GLE1: variants seen among roughly 807,000 people sequenced by gnomAD.
The protein encoded by GLE1 is mRNA export factor GLE1.
Under a neutral mutation model 97.3 loss-of-function variants are expected in GLE1, and 78 were observed. That is an observed-to-expected ratio of 0.80 (90% CI 0.67 to 0.97). The LOEUF is 0.97. Ranked by LOEUF, GLE1 falls within the 50% of genes least tolerant of loss-of-function variation. The probability of loss-of-function intolerance (pLI) is 0.00; values close to 1 mark genes in which losing one functional copy is unlikely to be tolerated. For missense variants in GLE1, 753 were observed against 857.5 expected (o/e 0.88, Z 1.52); for synonymous variants, 302 against 313.4 (o/e 0.96, Z 0.39).
At position 128,533,860 on chromosome 9, in the gene GLE1, C is replaced by G; in HGVS notation, c.1555C>G (p.Leu519Val). The change falls in exon 11 of 16, where the codon CTC becomes GTC. Residue 519 changes from leucine to valine, a missense_variant. Coordinates refer to ENST00000309971, the MANE Select transcript of GLE1 (RefSeq NM_001003722.2). The stretch of plus-strand genomic sequence containing the variant: ...GGAGCTCCACCCCAGAGTGGGGGAC[C>G]TCATTCTTGCTCATCTACATAAGAA... ...IWELHPRVGDLILAHLHKKCP... is the reference protein window; with the variant it reads ...IWELHPRVGDVILAHLHKKCP... 1 of 1,612,536 alleles carries G rather than the reference C, an allele frequency of 6.2e-7. No homozygotes were observed. Among genetic ancestry groups the G allele is most frequent in the Non-Finnish European group, 8.5e-7 (1 of 1,178,556 alleles).
At chr9:128,527,066 T>C (rs1564152456) in intron 7 of GLE1, 113 bp from the exon 8 acceptor site, 8 of 714,608 alleles carry the variant, frequency 1.1e-5, no homozygotes, top group South Asian at 7.5e-5. Flanking sequence ...TTCATAGTTA[T>C]GGTGACAGTT....
rs762441779 is a variant in GLE1, at chr9:128,541,122, C to T, written c.2049C>T (p.Asp683=). The stretch of plus-strand genomic sequence containing the variant: ...ACCAGAAATGTTTGCAACACAAGGA[C>T]ATTCCTGTCCCCAAGGGCTTTCTGA... ...QFLEKCLQHK[D]IPVPKGFLTS... The change falls in exon 16 of 16, where the codon GAC becomes GAT. Residue 683 remains aspartate (D), a synonymous_variant. Coordinates refer to ENST00000309971, the MANE Select transcript of GLE1 (RefSeq NM_001003722.2). The T allele has an allele frequency of 2.5e-6, 4 of 1,587,544 alleles. No individual in the cohort carries two copies. The African/African-American group carries it at 5.4e-5, about 21-fold the overall frequency.
In GLE1 at chr9:128,536,495, G is replaced by T; in HGVS notation, c.1776+11G>T. 1.2e-6 allele frequency: 2 copies of T among 1,610,894 alleles called. No homozygotes were observed. Among genetic ancestry groups the T allele is most frequent in the Non-Finnish European group, 1.7e-6 (2 of 1,177,212 alleles). The stretch of plus-strand genomic sequence containing the variant: ...GGAAACCGACAGGAGGTAGGTAAAA[G>T]AGGCTTACTGTCAATAATGAGAGGT... On this transcript the variant is annotated intron_variant, in intron 12 of 15. Coordinates refer to ENST00000309971, the MANE Select transcript of GLE1 (RefSeq NM_001003722.2).
chr9:128,513,683 C>T (rs1291486845), intron 2 of GLE1, among the ~76,000 whole-genome samples: 12 of 146,326 alleles, frequency 8.2e-5, no homozygotes, highest in Admixed American at 2.8e-4. Flanking sequence ...TATGCCAGCA[C>T]GGGTGATAGA....
In GLE1 at chr9:128,542,074, G is replaced by A. The variant is rs1480602479; in HGVS notation, c.*904G>A. 6.6e-6 allele frequency: 1 copy of A among 152,156 alleles called. No homozygotes were observed. Among genetic ancestry groups the A allele is most frequent in the East Asian group, 1.9e-4 (1 of 5,202 alleles). 9.4% of individuals were successfully genotyped at this position (152,156 alleles called of 1,614,324 possible). A position where few individuals can be genotyped will look rare whatever the true frequency, so the allele number is the denominator to read the frequency against. On this transcript the variant is annotated 3_prime_UTR_variant, in exon 16 of 16. Transcript: ENST00000309971. ...AGCCACTACAGAAATCCAGAGATTG[G>A]CTGTTAAAATTTGTTTTGTGGAAAG...
chr9:128,532,766 T>G (rs1847561112), intron 9 of GLE1: 2 of 493,146 alleles, frequency 4.1e-6, no homozygotes. Context: ...CTTAGTTGAC[T>G]GACTGGCTCA....
rs144588299 is a variant in GLE1, at chr9:128,540,609, T to A, written c.2028+271T>A. 1.1e-3 allele frequency: 485 copies of A among 443,904 alleles called. 7 individuals carry two copies. The highest frequency in any genetic ancestry group is 6.9e-3 in the South Asian group (263 of 37,916). 27.5% of individuals were successfully genotyped at this position (443,904 alleles called of 1,614,324 possible). On this transcript the variant is annotated intron_variant, in intron 15 of 15. Transcript: ENST00000309971. ...TGTATCTCCTCTCATTAATATATAT[T>A]TTTTTTGCATGTTGGCCAAGGTTAT...
intron 1 of GLE1, among the ~76,000 whole-genome samples, chr9:128,505,921 C>T (rs1846628059): frequency 6.6e-6 from 1 of 152,182 alleles, no homozygotes; most frequent in African/African-American, 2.4e-5. Context: ...GCTATTCCTT[C>T]TGCATTTGTT....
At chr9:128,533,366 G>A (rs1847581475) in intron 9 of GLE1, 147 bp from the exon 10 acceptor site, 1 of 642,402 alleles carries the variant, frequency 1.6e-6, no homozygotes, top group Non-Finnish European at 2.6e-6. Context: ...GGAGACGGAG[G>A]TTGCAGTGAG....
chr9:128,515,397 A>G, intron 2 of GLE1, 132 bp from the exon 3 acceptor site: 1 of 596,928 alleles, frequency 1.7e-6, no homozygotes, highest in East Asian at 3.0e-5. Flanking sequence ...TCTGACCTAA[A>G]TTTTTTTTTT....
chr9:128,513,103 G>T (rs150390608), intron 2 of GLE1, among the ~76,000 whole-genome samples: 1 of 152,188 alleles, frequency 6.6e-6, no homozygotes, highest in East Asian at 1.9e-4. Context: ...AGGGACTGAG[G>T]GAAGTATTAA....
At chr9:128,532,446 G>A (rs915518126) in intron 9 of GLE1, among the ~76,000 whole-genome samples, 4 of 150,628 alleles carry the variant, frequency 2.7e-5, no homozygotes, top group Non-Finnish European at 5.9e-5. Context: ...GGCTGGTCTC[G>A]AACTCCTGAC....
chr9:128,505,121 C>G (rs371700962), intron 1 of GLE1, among the ~76,000 whole-genome samples: 4 of 152,186 alleles, frequency 2.6e-5, no homozygotes, highest in African/African-American at 7.2e-5. Flanking sequence ...ACAGGTGCCC[C>G]GCGCTCTGAA....
At position 128,504,920 on chromosome 9, in the gene GLE1, G is replaced by A. The variant is rs1225861228; in HGVS notation, c.99+16G>A. 2 of 1,539,092 alleles carry A rather than the reference G, an allele frequency of 1.3e-6. No individual in the cohort carries two copies. The highest frequency in any genetic ancestry group is 1.7e-5 in the Admixed American group (1 of 59,952). On this transcript the variant is annotated intron_variant, in intron 1 of 15. Coordinates refer to ENST00000309971, the MANE Select transcript of GLE1 (RefSeq NM_001003722.2). The stretch of plus-strand genomic sequence containing the variant: ...GCGGCGCGAGGTGAGCGGTGGCCCC[G>A]GAGGACGTAGGCCTTTCCGGCCCCT...
In GLE1 at chr9:128,540,343, G is replaced by A; in HGVS notation, c.2028+5G>A. On this transcript the variant is annotated splice_donor_5th_base_variant and intron_variant, in intron 15 of 15. Coordinates refer to ENST00000309971, the MANE Select transcript of GLE1 (RefSeq NM_001003722.2). ...CGCCTCAAGCAGTTCTTGGAGGTAAGATGCCCTTAGACCAACATGCCCCAC... is the reference window on the plus strand; with the variant it reads ...CGCCTCAAGCAGTTCTTGGAGGTAAAATGCCCTTAGACCAACATGCCCCAC... 6.3e-7 allele frequency: 1 copy of A among 1,589,140 alleles called. No homozygotes were observed. The highest frequency in any genetic ancestry group is 1.3e-5 in the African/African-American group (1 of 74,514).
intron 3 of GLE1, among the ~76,000 whole-genome samples, chr9:128,522,426 G>C (rs888179656): frequency 6.6e-6 from 1 of 152,132 alleles, no homozygotes; most frequent in African/African-American, 2.4e-5. Flanking sequence ...GGAGGCCAAG[G>C]CAGGCGGATC....
chr9:128,508,201 C>T (rs4614100), intron 1 of GLE1, among the ~76,000 whole-genome samples: 34,824 of 138,794 alleles, frequency 0.25, 4,926 homozygotes, highest in East Asian at 0.39. Flanking sequence ...AAAAAAAAGA[C>T]CAGCCTGGGC....
rs1847847558 is a variant in GLE1 at position 128,540,262 on chromosome 9, T to A, written c.1965-13T>A. On this transcript the variant is annotated splice_polypyrimidine_tract_variant and intron_variant, in intron 14 of 15. Coordinates refer to ENST00000309971, the MANE Select transcript of GLE1 (RefSeq NM_001003722.2). ...ATCATAGGTGTGATTCATGTGTCTT[T>A]CTCTCCCTGTAGAATTGAAGCTATC... 1 of 1,569,992 alleles carries A rather than the reference T, an allele frequency of 6.4e-7. No individual in the cohort carries two copies.
At position 128,515,516 on chromosome 9, in the gene GLE1, TC is replaced by T; in HGVS notation, c.322-12del. On this transcript the variant is annotated splice_polypyrimidine_tract_variant and intron_variant, in intron 2 of 15. Transcript: ENST00000309971. ...TTATTTTTTAATTATTTTTCCATTT[TC>T]TGCTCATATAGGGCAAAGATGAGTC... 7.1e-7 allele frequency: 1 copy of T among 1,407,112 alleles called. No homozygotes were observed. The highest frequency in any genetic ancestry group is 1.0e-6 in the Non-Finnish European group (1 of 991,358). The allele number at this position is 1,407,112 out of a possible 1,614,324, so 87.2% of individuals were successfully genotyped here.
Sources: gnomAD v4.1 joint callset for allele counts (sites outside exome capture counted in the v4.1 genomes callset) on GRCh38, gnomAD v4.1.1 for gene constraint, MANE v1.5 for transcripts, NCBI Gene and HGNC (gene_info 2026-07-23, HGNC 2026-07-21) for gene names.